The following PLEKHB2 variants were observed in gnomAD, a reference collection of about 807,000 sequenced individuals.
PLEKHB2 encodes the protein pleckstrin homology domain-containing family B member 2.
In PLEKHB2, 31 loss-of-function variants were observed where a neutral mutation model predicts 36.5. The ratio of observed to expected loss-of-function variants is 0.85; its 90% confidence interval spans 0.64 to 1.15. PLEKHB2 has a LOEUF of 1.15. PLEKHB2 is among the 50% of genes most tolerant of loss of function. PLEKHB2 has a pLI of 0.00. For synonymous variants in PLEKHB2, 119 were observed against 112.0 expected (o/e 1.06, Z -0.39); for missense variants, 262 against 295.3 (o/e 0.89, Z 0.83).
At chr2:131,138,845 C>T (rs891093324) in intron 6 of PLEKHB2, among the ~76,000 whole-genome samples, 6 of 152,094 alleles carry the variant, frequency 3.9e-5, no homozygotes, top group Non-Finnish European at 7.4e-5. Flanking sequence ...GTTCTGGCTC[C>T]CCACATGGTC....
intron 4 of PLEKHB2, among the ~76,000 whole-genome samples, chr2:131,128,205 G>C (rs1697289866): frequency 6.6e-6 from 1 of 152,168 alleles, no homozygotes; most frequent in Non-Finnish European, 1.5e-5. Context: ...TACCAGATTA[G>C]GTAGGAAGCG....
intron 2 of PLEKHB2, among the ~76,000 whole-genome samples, chr2:131,125,241 A>T (rs1200125854): frequency 6.6e-6 from 1 of 152,228 alleles, no homozygotes; most frequent in Non-Finnish European, 1.5e-5. Flanking sequence ...TGTATGAGGA[A>T]TTAAATGTTA....
chr2:131,138,926 C>T (rs980334690), intron 6 of PLEKHB2, among the ~76,000 whole-genome samples: 1 of 152,200 alleles, frequency 6.6e-6, no homozygotes, highest in Non-Finnish European at 1.5e-5. Flanking sequence ...CTCAGCCCCC[C>T]ACTCAGTCTT....
intron 2 of PLEKHB2, 78 bp downstream of exon 2, chr2:131,121,056 A>G (rs1157504117): frequency 5.6e-6 from 8 of 1,417,940 alleles, no homozygotes; most frequent in Non-Finnish European, 7.8e-6. Context: ...AGTTGATCAT[A>G]TTTAAAAGCA....
chr2:131,144,491 CT>C, intron 7 of PLEKHB2: 1 of 720,250 alleles, frequency 1.4e-6, no homozygotes, highest in Non-Finnish European at 1.9e-6. Context: ...GACTATAGTC[CT>C]CCCATCCTCC....
At chr2:131,127,347 T>A (rs1363782096) in intron 4 of PLEKHB2, among the ~76,000 whole-genome samples, 1 of 152,250 alleles carries the variant, frequency 6.6e-6, no homozygotes, top group Non-Finnish European at 1.5e-5. Flanking sequence ...GGTCTCTGCC[T>A]CTGTTGTCAC....
rs767424733 is a variant in PLEKHB2 at position 131,130,733 on chromosome 2, T to C, written c.306T>C (p.Phe102=). ...ESTDDCLAWK[F]TLQDSRTNTA... is the part of the protein sequence containing the mutation. Reference sequence around the variant, plus strand: ...TTCTTTTCTCCAGGGCCTGGAAATTTACACTCCAAGATTCTAGGACAAACA... The same window carrying C: ...TTCTTTTCTCCAGGGCCTGGAAATTCACACTCCAAGATTCTAGGACAAACA... The change falls in exon 5 of 8, where the codon TTT becomes TTC. Residue 102 remains phenylalanine, a synonymous_variant. Coordinates refer to ENST00000693505, the MANE Select transcript of PLEKHB2 (RefSeq NM_001100623.2). 5 of 1,611,494 alleles carry C rather than the reference T, an allele frequency of 3.1e-6. No homozygotes were observed. Among genetic ancestry groups the C allele is most frequent in the Non-Finnish European group, 4.2e-6 (5 of 1,177,828 alleles).
chr2:131,135,218 C>T (rs1698121543), intron 6 of PLEKHB2, among the ~76,000 whole-genome samples: 1 of 152,140 alleles, frequency 6.6e-6, no homozygotes, highest in East Asian at 1.9e-4. Flanking sequence ...ATTACAGGCA[C>T]GTGCCACCAC....
At chr2:131,116,532 A>G (rs1210324985) in intron 1 of PLEKHB2, among the ~76,000 whole-genome samples, 1 of 152,214 alleles carries the variant, frequency 6.6e-6, no homozygotes, top group African/African-American at 2.4e-5. Flanking sequence ...GGCAAAGGGG[A>G]AGCAGGCATG....
chr2:131,106,694 CT>C (rs1694772211), intron 1 of PLEKHB2, among the ~76,000 whole-genome samples: 2 of 152,070 alleles, frequency 1.3e-5, no homozygotes, highest in South Asian at 4.1e-4. Flanking sequence ...CTTGTCTGGG[CT>C]TCCTTTGTGC....
At chr2:131,127,146 C>T (rs1697183240) in intron 4 of PLEKHB2, 1 of 199,834 alleles carries the variant, frequency 5.0e-6, no homozygotes, top group Non-Finnish European at 1.0e-5. Flanking sequence ...TCACAAATTG[C>T]TGAACACTGA....
At chr2:131,122,120 C>T (rs1033812926) in intron 2 of PLEKHB2, among the ~76,000 whole-genome samples, 3 of 152,092 alleles carry the variant, frequency 2.0e-5, no homozygotes, top group Non-Finnish European at 4.4e-5. Flanking sequence ...GTCTCGAACT[C>T]CTGACCTCAG....
chr2:131,133,241 T>TA (rs1474508033), intron 6 of PLEKHB2, among the ~76,000 whole-genome samples: 8 of 152,228 alleles, frequency 5.3e-5, no homozygotes, highest in Admixed American at 2.0e-4. Context: ...ATGTTAATGA[T>TA]AGTTGCCTTG....
chr2:131,121,894 G>A (rs1696552482), intron 2 of PLEKHB2, among the ~76,000 whole-genome samples: 1 of 151,504 alleles, frequency 6.6e-6, no homozygotes, highest in Admixed American at 6.6e-5. Context: ...GATTCATACT[G>A]TGTTTTATTT....
chr2:131,125,286 A>G (rs192576318), intron 2 of PLEKHB2, among the ~76,000 whole-genome samples: 2 of 152,344 alleles, frequency 1.3e-5, no homozygotes, highest in East Asian at 1.9e-4. Flanking sequence ...AAGCTTTTTA[A>G]TAGAAACCCT....
chr2:131,144,892 T>TA (rs1171191062), intron 7 of PLEKHB2, among the ~76,000 whole-genome samples: 1 of 152,254 alleles, frequency 6.6e-6, no homozygotes, highest in Non-Finnish European at 1.5e-5. Context: ...GAGTTAACAT[T>TA]ACTGAGCATT....
chr2:131,119,906 G>C (rs542684076), intron 1 of PLEKHB2, among the ~76,000 whole-genome samples: 39 of 150,834 alleles, frequency 2.6e-4, no homozygotes, highest in Admixed American at 1.3e-3. Flanking sequence ...TGATATGTGT[G>C]AACTTTGTAA....
At chr2:131,130,844 T>C (rs1697602166) in intron 5 of PLEKHB2, 84 bp downstream of exon 5, 1 of 945,624 alleles carries the variant, frequency 1.1e-6, no homozygotes, top group East Asian at 2.4e-5. Flanking sequence ...GCAGTGGTGC[T>C]GTCTCACCTC....
chr2:131,107,185 CA>C (rs774401278), intron 1 of PLEKHB2, among the ~76,000 whole-genome samples: 6 of 152,186 alleles, frequency 3.9e-5, no homozygotes, highest in Non-Finnish European at 7.3e-5. Context: ...CAGTAACTAC[CA>C]AAAACTGCAA....
Sources: allele counts gnomAD v4.1 joint callset (sites outside exome capture counted in the v4.1 genomes callset), GRCh38; gene constraint gnomAD v4.1.1; transcripts MANE v1.5; gene names NCBI Gene and HGNC (gene_info 2026-07-23, HGNC 2026-07-21).